The following C1QB variants were observed in gnomAD, a reference collection of about 807,000 sequenced individuals.
C1QB encodes the protein complement C1q B chain.
In C1QB, 2 loss-of-function variants were observed where a neutral mutation model predicts 4.6. The ratio of observed to expected loss-of-function variants is 0.43; its 90% confidence interval spans 0.18 to 1.36. C1QB has a LOEUF of 1.36. C1QB is among the 40% of genes most tolerant of loss of function. The pLI is 0.28. For synonymous variants in C1QB, 132 were observed against 137.1 expected (o/e 0.96, Z 0.26); for missense variants, 292 against 338.0 (o/e 0.86, Z 1.07).
At chr1:22,660,662 A>C in intron 2 of C1QB, 150 bp from the exon 3 acceptor site, 1 of 752,770 alleles carries the variant, frequency 1.3e-6, no homozygotes, top group Non-Finnish European at 2.2e-6. Context: ...GGCTGGAGGG[A>C]GACCCAGAGC....
In C1QB at chr1:22,661,413, G is replaced by A. The variant is rs770367483; in HGVS notation, c.*27G>A. Reference sequence around the variant, plus strand: ...CTGTGGGCTGCTTCACATCCACCCCGGCTCCCCCTGCCAGCAACGCTCACT... The same window carrying A: ...CTGTGGGCTGCTTCACATCCACCCCAGCTCCCCCTGCCAGCAACGCTCACT... On this transcript the variant is annotated 3_prime_UTR_variant, in exon 3 of 3. Transcript: ENST00000509305. 84 of 1,612,646 alleles carry A rather than the reference G, an allele frequency of 5.2e-5. No homozygotes were observed. Among genetic ancestry groups the A allele is most frequent in the Admixed American group, 6.7e-5 (4 of 59,976 alleles).
chr1:22,661,472 C>A lies in C1QB; in HGVS notation c.*86C>A. 3 of 1,457,874 alleles carry A rather than the reference C, an allele frequency of 2.1e-6. No individual in the cohort carries two copies. Among genetic ancestry groups the A allele is most frequent in the African/African-American group, 1.4e-5 (1 of 71,956 alleles). 90.3% of individuals were successfully genotyped at this position (1,457,874 alleles called of 1,614,324 possible). ...AACACCACCCCTTGCCCAACCAATG[C>A]ACACAGTAGGGCTTGGTGAATGCTG... On this transcript the variant is annotated 3_prime_UTR_variant, in exon 3 of 3. Transcript: ENST00000509305.
Position 22,659,578 on chromosome 1 carries a change from C to T in C1QB, c.116C>T (p.Pro39Leu), listed in dbSNP as rs1258691670. The change falls in exon 2 of 3, where the codon CCG becomes CTG. Residue 39 changes from proline to leucine, a missense_variant. By Grantham distance (98) the Pro-to-Leu change is moderately conservative. Coordinates refer to ENST00000509305, the MANE Select transcript of C1QB (RefSeq NM_001378156.1). ...GGGCCCCCAGCCATCCCTGGCATCC[C>T]GGGTATCCCTGGGACACCTGGCCCC... Reference protein sequence around the residue: ...CTGPPAIPGIPGIPGTPGPDG... With the variant: ...CTGPPAIPGILGIPGTPGPDG... The T allele has an allele frequency of 7.4e-6, 12 of 1,613,864 alleles. No individual in the cohort carries two copies. Among genetic ancestry groups the T allele is most frequent in the Non-Finnish European group, 1.0e-5 (12 of 1,179,956 alleles).
chr1:22,661,119 C>A lies in C1QB; in HGVS notation c.489C>A (p.Pro163=). ...GTGGCAAGTTCACCTGCAAGGTGCCCGGTCTCTACTACTTCACCTACCACG... is the reference window on the plus strand; with the variant it reads ...GTGGCAAGTTCACCTGCAAGGTGCCAGGTCTCTACTACTTCACCTACCACG... The part of the protein sequence containing the change: ...PRSGKFTCKV[P]GLYYFTYHAS... The change falls in exon 3 of 3, where the codon CCC becomes CCA. Residue 163 remains proline (P), a synonymous_variant. Transcript: ENST00000509305. 6.2e-7 allele frequency: 1 copy of A among 1,614,152 alleles called. No homozygotes were observed. Among genetic ancestry groups the A allele is most frequent in the Non-Finnish European group, 8.5e-7 (1 of 1,180,016 alleles).
rs566563680 is a variant in C1QB at position 22,660,008 on chromosome 1, G to A, written c.181+365G>A. ...TCTCTGAATTGCTATTTCCTCACCT[G>A]TAAGATGGGGGCAATGGTACTTTTT... On this transcript the variant is annotated intron_variant, in intron 2 of 2. Transcript: ENST00000509305. Among the ~76,000 whole-genome samples, 293 of 152,272 alleles carry A rather than the reference G, an allele frequency of 1.9e-3. 2 individuals are homozygous for A. Among genetic ancestry groups the A allele is most frequent in the African/African-American group, 6.9e-3 (288 of 41,568 alleles).
rs115980183 is a variant in C1QB at position 22,658,861 on chromosome 1, G to T, written c.-23-579G>T. The stretch of plus-strand genomic sequence containing the variant: ...CAGAGGGATGCAGGGATGGAAGGAT[G>T]GAGGGATGGATGGATGGACAGCAGG... On this transcript the variant is annotated intron_variant, in intron 1 of 2. Transcript: ENST00000509305. Among the ~76,000 whole-genome samples the T allele has an allele frequency of 8.4e-3, 1,276 of 151,196 alleles. 22 individuals are homozygous for T. The highest frequency in any genetic ancestry group is 0.03 in the African/African-American group (1,222 of 41,166).
At position 22,661,407 on chromosome 1, in the gene C1QB, C is replaced by A. The variant is rs754981041; in HGVS notation, c.*21C>A. 6.2e-7 allele frequency: 1 copy of A among 1,613,486 alleles called. No homozygotes were observed. The highest frequency in any genetic ancestry group is 8.5e-7 in the Non-Finnish European group (1 of 1,179,824). ...CCTGACCTGTGGGCTGCTTCACATC[C>A]ACCCCGGCTCCCCCTGCCAGCAACG... On this transcript the variant is annotated 3_prime_UTR_variant, in exon 3 of 3. Coordinates refer to ENST00000509305, the MANE Select transcript of C1QB (RefSeq NM_001378156.1).
chr1:22,657,578 G>A (rs1381506712), intron 1 of C1QB, among the ~76,000 whole-genome samples: 1 of 152,186 alleles, frequency 6.6e-6, no homozygotes, highest in Admixed American at 6.5e-5. Context: ...GGTTGTCAGG[G>A]GCTGGGGGAA....
intron 1 of C1QB, among the ~76,000 whole-genome samples, chr1:22,654,879 C>T (rs1348041376): frequency 6.6e-6 from 1 of 152,220 alleles, no homozygotes; most frequent in Non-Finnish European, 1.5e-5. Context: ...TGGTGTGTCC[C>T]ATGCATTAGT....
chr1:22,656,141 T>C (rs1192670497), intron 1 of C1QB, among the ~76,000 whole-genome samples: 1 of 151,676 alleles, frequency 6.6e-6, no homozygotes, highest in African/African-American at 2.4e-5. Context: ...AGCAGGGGAG[T>C]GCGTTGAGGC....
At chr1:22,654,776 A>C (rs1018918310) in intron 1 of C1QB, among the ~76,000 whole-genome samples, 1 of 152,226 alleles carries the variant, frequency 6.6e-6, no homozygotes, top group Non-Finnish European at 1.5e-5. Context: ...TCCCGCCACC[A>C]GGTGAATGTG....
chr1:22,660,759 G>T, intron 2 of C1QB, 53 bp from the exon 3 acceptor site: 1 of 1,578,560 alleles, frequency 6.3e-7, no homozygotes, highest in South Asian at 1.1e-5. Context: ...TCCAGCGCAG[G>T]CCTCCTTCTT....
intron 2 of C1QB, among the ~76,000 whole-genome samples, chr1:22,660,212 T>A (rs567475287): frequency 1.3e-5 from 2 of 152,174 alleles, no homozygotes; most frequent in Non-Finnish European, 2.9e-5. Context: ...ATTTCACAGA[T>A]GAGGAGGCTG....
rs1173915508 is a variant in C1QB, at chr1:22,661,114, G to C, written c.484G>C (p.Val162Leu). ...EPRSGKFTCKVPGLYYFTYHA... is the reference protein window; with the variant it reads ...EPRSGKFTCKLPGLYYFTYHA... ...CCGCAGTGGCAAGTTCACCTGCAAG[G>C]TGCCCGGTCTCTACTACTTCACCTA... The change falls in exon 3 of 3, where the codon GTG (valine) becomes CTG (leucine). Residue 162 changes from valine (V) to leucine (L), a missense_variant. Physicochemically the swap from Val to Leu is conservative, Grantham distance 32. Transcript: ENST00000509305. 6.2e-7 allele frequency: 1 copy of C among 1,614,148 alleles called. No homozygotes were observed. Among genetic ancestry groups the C allele is most frequent in the East Asian group, 2.2e-5 (1 of 44,870 alleles).
At chr1:22,655,657 C>T (rs1642518737) in intron 1 of C1QB, among the ~76,000 whole-genome samples, 1 of 152,164 alleles carries the variant, frequency 6.6e-6, no homozygotes, top group African/African-American at 2.4e-5. Context: ...TAATCACAAC[C>T]CACTTCCCCA....
At chr1:22,654,511 A>G (rs1266130329) in intron 1 of C1QB, among the ~76,000 whole-genome samples, 1 of 152,154 alleles carries the variant, frequency 6.6e-6, no homozygotes, top group Non-Finnish European at 1.5e-5. Flanking sequence ...TCAACCACTC[A>G]GGAATTCTTG....
intron 1 of C1QB, among the ~76,000 whole-genome samples, chr1:22,655,989 A>G (rs1271762472): frequency 1.3e-5 from 2 of 152,316 alleles, no homozygotes; most frequent in East Asian, 3.9e-4. Flanking sequence ...GGTGCAAACT[A>G]TGGATGGAAG....
chr1:22,659,670 G>A, intron 2 of C1QB, 27 bp downstream of exon 2: 1 of 1,592,652 alleles, frequency 6.3e-7, no homozygotes. Context: ...CAGGACACTG[G>A]TAATACTGAC....
chr1:22,660,817 C>T lies in C1QB; in HGVS notation c.187C>T (p.Pro63Ser). 4 of 1,613,946 alleles carry T rather than the reference C, an allele frequency of 2.5e-6. No homozygotes were observed. Among genetic ancestry groups the T allele is most frequent in the Non-Finnish European group, 3.4e-6 (4 of 1,179,974 alleles). The change falls in exon 3 of 3, where the codon CCA becomes TCA. Residue 63 changes from proline to serine, a missense_variant. By Grantham distance (74) the Pro-to-Ser change is moderately conservative (BLOSUM62 -1). Coordinates refer to ENST00000509305, the MANE Select transcript of C1QB (RefSeq NM_001378156.1). ...TPGIKGEKGL[P>S]GLAGDHGEFG... ...TTTGGTCTCTGCTTTTCCAGGGCTT[C>T]CAGGGCTGGCTGGAGACCATGGTGA...
Sources: allele counts gnomAD v4.1 joint callset (sites outside exome capture counted in the v4.1 genomes callset), GRCh38; gene constraint gnomAD v4.1.1; transcripts MANE v1.5; gene names NCBI Gene and HGNC (gene_info 2026-07-23, HGNC 2026-07-21).